PRDM15: variants seen among roughly 807,000 people sequenced by gnomAD.
PRDM15 encodes PR/SET domain 15.
PRDM15 carries 64 observed loss-of-function variants against 128.6 expected under a neutral mutation model. The ratio of observed to expected loss-of-function variants is 0.50; its 90% CI spans 0.41 to 0.61. The LOEUF is 0.61. Ranked by LOEUF, PRDM15 falls within the 20% of genes least tolerant of loss-of-function variation. PRDM15 has a pLI of 0.00. For synonymous variants in PRDM15, 615 were observed against 621.8 expected, an observed-to-expected ratio of 0.99 and a Z score of 0.16; for missense variants, 1,242 against 1,569.1, an observed-to-expected ratio of 0.79 and a Z score of 3.52.
rs144860810 is a variant in PRDM15, at chr21:41,839,797, C to T, written c.697G>A (p.Glu233Lys). 4.0e-4 allele frequency: 642 copies of T among 1,614,256 alleles called. 2 individuals carry two copies. The African/African-American group carries it at 7.4e-3, about 18-fold the overall frequency. Residue 233 changes from glutamate to lysine, a missense_variant, in exon 7 of 24, where the codon GAG becomes AAG. This residue lies in a region of PRDM15 where 612 missense variants were observed against 717.0 expected (regional missense o/e 0.85). Coordinates refer to ENST00000398548, the MANE Select transcript of PRDM15 (RefSeq NM_001040424.3). ...AKSLPPGSQS[E>K]AAAPEKEQDT... is the part of the protein sequence containing the mutation. ...TGCTCCTTCTCGGGAGCTGCTGCCT[C>T]GCTTTGGCTGCCTGGAGGAAGGCTT... is the stretch of plus-strand genomic sequence containing the variant.
intron 13 of PRDM15, 67 bp from the exon 14 acceptor site, chr21:41,823,516 G>A (rs2062360964): frequency 4.0e-6 from 6 of 1,508,206 alleles, no homozygotes; most frequent in Middle Eastern, 2.2e-4. Context: ...CTCTCCATCA[G>A]GCTCCTCTGG....
chr21:41,829,674 C>T (rs1031507127), intron 11 of PRDM15, among the ~76,000 whole-genome samples: 1 of 151,216 alleles, frequency 6.6e-6, no homozygotes, highest in Non-Finnish European at 1.5e-5. Flanking sequence ...CACACATACA[C>T]CCCAAATATA....
chr21:41,828,300 C>T lies in PRDM15; in HGVS notation c.1400G>A (p.Arg467Lys), dbSNP rs754283032. 1 of 1,613,906 alleles carries T rather than the reference C, an allele frequency of 6.2e-7. No homozygotes were observed. Among genetic ancestry groups the T allele is most frequent in the African/African-American group, 1.3e-5 (1 of 74,860 alleles). The change falls in exon 12 of 24, where the codon AGA becomes AAA. Residue 467 changes from arginine to lysine, a missense_variant. Arg to Lys is a conservative substitution (Grantham distance 26). Transcript: ENST00000398548. This position sits in a 1 kb window ranked among gnomAD's most constrained non-coding sequence, Gnocchi z 5.7. ...DKTFQCEMCFRFFSTNSNLSK... is the reference protein window; with the variant it reads ...DKTFQCEMCFKFFSTNSNLSK... ...GAGGTTGCTGTTGGTGGAGAAGAATCTGAAACACATCTCACATTGGAACGT... is the reference window on the plus strand; with the variant it reads ...GAGGTTGCTGTTGGTGGAGAAGAATTTGAAACACATCTCACATTGGAACGT...
intron 11 of PRDM15, among the ~76,000 whole-genome samples, chr21:41,830,996 G>A (rs2062670283): frequency 6.6e-6 from 1 of 152,184 alleles, no homozygotes; most frequent in East Asian, 1.9e-4. Flanking sequence ...GCGACCCCGG[G>A]GCCCAGCAGA....
intron 5 of PRDM15, among the ~76,000 whole-genome samples, chr21:41,847,479 C>T (rs1009801876): frequency 1.3e-5 from 2 of 152,208 alleles, no homozygotes; most frequent in Non-Finnish European, 2.9e-5. Flanking sequence ...CTCCAAGAAG[C>T]CAGTCCAGAG....
At chr21:41,851,315 C>T (rs777094621) in intron 5 of PRDM15, among the ~76,000 whole-genome samples, 2 of 152,320 alleles carry the variant, frequency 1.3e-5, no homozygotes, top group South Asian at 2.1e-4. Context: ...AGCCTCTCTT[C>T]GAAGGTCTTG....
rs184761478 is a variant in PRDM15 at position 41,828,596 on chromosome 21, C to G, written c.1367-263G>C. ...CAAGCAACGCCAGCCGCCTCCCTCCCGGGCCACCCTGCCCCACAGCACCTG... is the reference window on the plus strand; with the variant it reads ...CAAGCAACGCCAGCCGCCTCCCTCCGGGGCCACCCTGCCCCACAGCACCTG... On this transcript the variant is annotated intron_variant, in intron 11 of 23. Coordinates refer to ENST00000398548, the MANE Select transcript of PRDM15 (RefSeq NM_001040424.3). This position sits in a 1 kb window ranked among gnomAD's most constrained non-coding sequence, Gnocchi z 5.7. 2.0e-5 allele frequency among the ~76,000 whole-genome samples: 3 copies of G among 151,960 alleles called. No individual in the cohort carries two copies. The highest frequency in any genetic ancestry group is 4.4e-5 in the Non-Finnish European group (3 of 67,970).
At chr21:41,876,944 C>T (rs978243058) in intron 1 of PRDM15, among the ~76,000 whole-genome samples, 4 of 152,232 alleles carry the variant, frequency 2.6e-5, no homozygotes, top group African/African-American at 9.6e-5. Context: ...TGCCCCGCCA[C>T]TGCTCAAAGC....
intron 5 of PRDM15, among the ~76,000 whole-genome samples, chr21:41,851,932 G>A (rs927308910): frequency 2.0e-5 from 3 of 152,194 alleles, no homozygotes; most frequent in African/African-American, 7.2e-5. Context: ...TTTAAGCTAT[G>A]CTCAGGTGAC....
Position 41,859,223 on chromosome 21 carries a change from C to T in PRDM15, c.131+369G>A. 6.2e-7 allele frequency: 1 copy of T among 1,613,626 alleles called. No individual in the cohort carries two copies. Among genetic ancestry groups the T allele is most frequent in the Non-Finnish European group, 8.5e-7 (1 of 1,179,836 alleles). On this transcript the variant is annotated intron_variant, in intron 3 of 23. Coordinates refer to ENST00000398548, the MANE Select transcript of PRDM15 (RefSeq NM_001040424.3). The surrounding 1 kb of genome is among the most constrained non-coding windows in gnomAD (Gnocchi z 5.3). ...GGTGTGCACGTGTCCGCTGGCAGGC[C>T]AAGACCTGGAATGCAGAGAGAAGCC... is the stretch of plus-strand genomic sequence containing the variant.
intron 13 of PRDM15, among the ~76,000 whole-genome samples, chr21:41,823,729 T>A (rs1378438797): frequency 1.3e-5 from 2 of 152,240 alleles, no homozygotes; most frequent in East Asian, 3.8e-4. Flanking sequence ...TCCATTTTTT[T>A]AAGCCCATTT....
At position 41,810,356 on chromosome 21, in the gene PRDM15, G is replaced by A. The variant is rs777134889; in HGVS notation, c.2477-27C>T. 6 of 1,599,014 alleles carry A rather than the reference G, an allele frequency of 3.8e-6. No homozygotes were observed. In the Admixed American group the frequency reaches 5.0e-5, roughly 13 times the overall value. ...TTTTCACACACACGCAGACACACATGCGCGTGGAAAGGAAGAGACACGCAG... is the reference window on the plus strand; with the variant it reads ...TTTTCACACACACGCAGACACACATACGCGTGGAAAGGAAGAGACACGCAG... On this transcript the variant is annotated intron_variant, in intron 20 of 23. Transcript: ENST00000398548. The surrounding 1 kb of genome is among the most constrained non-coding windows in gnomAD (Gnocchi z 6.4).
chr21:41,805,988 TCACCACCAC>T (rs771551606), intron 21 of PRDM15, among the ~76,000 whole-genome samples: 1 of 42,872 alleles, frequency 2.3e-5, no homozygotes, highest in Non-Finnish European at 4.6e-5. Flanking sequence ...ATCACCACTA[TCACCACCAC>T]CACCACCATC....
At position 41,874,527 on chromosome 21, in the gene PRDM15, T is replaced by A. The variant is rs867947518; in HGVS notation, c.-10+4743A>T. Among the ~76,000 whole-genome samples, 617 of 96,702 alleles carry A rather than the reference T, an allele frequency of 6.4e-3. 3 individuals are homozygous for A. The highest frequency in any genetic ancestry group is 0.017 in the East Asian group (71 of 4,174). 63.4% of individuals were successfully genotyped at this position (96,702 alleles called of 152,430 possible). On this transcript the variant is annotated intron_variant, in intron 1 of 23. Coordinates refer to ENST00000398548, the MANE Select transcript of PRDM15 (RefSeq NM_001040424.3). ...CATATATATATATATATATATATATTTTTTTTTTTTTTTGAAACTTACAAA... is the reference window on the plus strand; with the variant it reads ...CATATATATATATATATATATATATATTTTTTTTTTTTTGAAACTTACAAA...
At chr21:41,819,459 GGCCCCC>G (rs1244336497) in intron 18 of PRDM15, 117 bp downstream of exon 18, 3 of 312,998 alleles carry the variant, frequency 9.6e-6, no homozygotes, top group South Asian at 2.8e-5. Flanking sequence ...CCGTGGCCCC[GGCCCCC>G]GCCCCCGCCA....
chr21:41,874,525 A>ATATATATATT, intron 1 of PRDM15, among the ~76,000 whole-genome samples: 12 of 95,814 alleles, frequency 1.3e-4, no homozygotes, highest in East Asian at 2.7e-4. Flanking sequence ...ATATATATAT[A>ATATATATATT]TTTTTTTTTT....
In PRDM15 at chr21:41,843,950, T is replaced by TTAA. The variant is rs1555883670; in HGVS notation, c.640+3139_640+3140insTTA. ...GGTGACAGGGCAAGACCTTGTATTG[T>TTAA]AAAAAAAAAAAAAAAAAAAAAGAAA... On this transcript the variant is annotated intron_variant, in intron 6 of 23. Transcript: ENST00000398548. 1.1e-4 allele frequency among the ~76,000 whole-genome samples: 14 copies of TTAA among 123,260 alleles called. 2 individuals are homozygous for TTAA. Among genetic ancestry groups the TTAA allele is most frequent in the Middle Eastern group, 4.1e-3 (1 of 244 alleles). 80.9% of individuals were successfully genotyped at this position (123,260 alleles called of 152,430 possible). A position where few individuals can be genotyped will look rare whatever the true frequency, so the allele number is the denominator to read the frequency against.
chr21:41,856,289 C>G (rs528081696), intron 4 of PRDM15, among the ~76,000 whole-genome samples: 4 of 124,048 alleles, frequency 3.2e-5, no homozygotes, highest in African/African-American at 1.2e-4. Context: ...CTTCCCCTCC[C>G]TCCCTTCCTT....
At chr21:41,867,008 G>A (rs1232728787) in intron 1 of PRDM15, among the ~76,000 whole-genome samples, 6 of 152,200 alleles carry the variant, frequency 3.9e-5, no homozygotes, top group African/African-American at 1.4e-4. Context: ...CCAGATGGGT[G>A]GATGGGTTCA....
Sources: allele counts gnomAD v4.1 joint callset (sites outside exome capture counted in the v4.1 genomes callset), GRCh38; gene constraint gnomAD v4.1.1; regional missense constraint gnomAD v4.1.1; non-coding constraint Gnocchi (gnomAD v3.1); transcripts MANE v1.5; gene names NCBI Gene and HGNC (gene_info 2026-07-23, HGNC 2026-07-21).